CLSTN1: variants seen among roughly 807,000 people sequenced by gnomAD.
CLSTN1 encodes calsyntenin 1, also known as calsyntenin-1.
Under a neutral mutation model 108.3 loss-of-function variants are expected in CLSTN1, and 28 were observed. The observed-to-expected ratio is 0.26, with a 90% CI of 0.19 to 0.35. The LOEUF (loss-of-function observed/expected upper bound fraction) is 0.35, where lower values mean the gene tolerates loss of function less well. Among genes scored for constraint, CLSTN1 ranks in the 10% least tolerant of loss-of-function variants. CLSTN1 has a pLI of 1.00. For synonymous variants in CLSTN1, 524 were observed against 534.9 expected, an observed-to-expected ratio of 0.98 and a Z score of 0.28; for missense variants, 1,157 against 1,302.6, an observed-to-expected ratio of 0.89 and a Z score of 1.72.
intron 1 of CLSTN1, among the ~76,000 whole-genome samples, chr1:9,818,034 T>G (rs1570530695): frequency 1.4e-5 from 2 of 138,012 alleles, no homozygotes; most frequent in East Asian, 2.3e-4. Context: ...AGAGACAGAG[T>G]CTTGCTCTGT....
At chr1:9,742,742 T>C (rs1168765367) in intron 9 of CLSTN1, among the ~76,000 whole-genome samples, 2 of 152,188 alleles carry the variant, frequency 1.3e-5, no homozygotes, top group East Asian at 3.8e-4. Flanking sequence ...ACCCCATCTC[T>C]ACTAAAAATA....
At chr1:9,773,206 G>A in intron 2 of CLSTN1, 66 bp downstream of exon 2, 2 of 1,601,482 alleles carry the variant, frequency 1.2e-6, no homozygotes, top group East Asian at 2.2e-5. Flanking sequence ...TTACCCAAAT[G>A]GGATGTGCAG....
At chr1:9,782,835 C>T (rs552454366) in intron 1 of CLSTN1, among the ~76,000 whole-genome samples, 11 of 151,712 alleles carry the variant, frequency 7.3e-5, no homozygotes, top group African/African-American at 2.2e-4. Flanking sequence ...GGTAAAACCC[C>T]GCCTCTATTG....
chr1:9,810,552 A>T (rs1467574416), intron 1 of CLSTN1, among the ~76,000 whole-genome samples: 1 of 150,658 alleles, frequency 6.6e-6, no homozygotes, highest in East Asian at 2.0e-4. Context: ...CAGCAGATAG[A>T]TCACCTGTAG....
intron 2 of CLSTN1, among the ~76,000 whole-genome samples, chr1:9,764,462 C>T (rs1485311669): frequency 6.6e-6 from 1 of 151,920 alleles, no homozygotes; most frequent in Non-Finnish European, 1.5e-5. Flanking sequence ...CATGGTGAAA[C>T]CCTGTCTCTA....
At chr1:9,753,262 C>T (rs1378249571) in intron 4 of CLSTN1, among the ~76,000 whole-genome samples, 6 of 152,108 alleles carry the variant, frequency 3.9e-5, no homozygotes, top group African/African-American at 1.2e-4. Context: ...AGGTGGAGCT[C>T]GGGCAGAAAT....
At chr1:9,748,898 C>G (rs1651413224) in intron 7 of CLSTN1, among the ~76,000 whole-genome samples, 1 of 152,010 alleles carries the variant, frequency 6.6e-6, no homozygotes, top group African/African-American at 2.4e-5. Context: ...AGAAATACTT[C>G]CTTCAAATCA....
chr1:9,770,071 T>G (rs1652596723), intron 2 of CLSTN1, among the ~76,000 whole-genome samples: 1 of 150,348 alleles, frequency 6.7e-6, no homozygotes, highest in Non-Finnish European at 1.5e-5. Flanking sequence ...ATATGAATTA[T>G]CTCCAAAAAA....
chr1:9,745,114 T>C (rs1651188858), intron 7 of CLSTN1, among the ~76,000 whole-genome samples: 1 of 150,496 alleles, frequency 6.6e-6, no homozygotes, highest in South Asian at 2.1e-4. Flanking sequence ...ATAACAACCA[T>C]GGATTTGTTT....
At chr1:9,742,488 A>G (rs146596664) in intron 9 of CLSTN1, among the ~76,000 whole-genome samples, 2 of 152,334 alleles carry the variant, frequency 1.3e-5, no homozygotes, top group African/African-American at 4.8e-5. Context: ...AATTTTCCAT[A>G]ATACAGTTTT....
At chr1:9,739,444 C>T (rs960279226) in intron 10 of CLSTN1, among the ~76,000 whole-genome samples, 5 of 152,198 alleles carry the variant, frequency 3.3e-5, no homozygotes, top group African/African-American at 1.2e-4. Context: ...TTCAGTTTAA[C>T]TGATTACCCT....
chr1:9,737,640 A>G (rs1330369168), intron 10 of CLSTN1, 86 bp from the exon 11 acceptor site: 7 of 1,151,392 alleles, frequency 6.1e-6, no homozygotes, highest in Non-Finnish European at 9.1e-6. Context: ...GTTTGAAGCA[A>G]CCAACTATAA....
intron 2 of CLSTN1, among the ~76,000 whole-genome samples, chr1:9,764,514 G>A (rs1304577807): frequency 6.6e-6 from 1 of 152,058 alleles, no homozygotes; most frequent in African/African-American, 2.4e-5. Context: ...GCACAGGCCT[G>A]TAATCCCAGC....
At chr1:9,767,520 G>A (rs1304373195) in intron 2 of CLSTN1, among the ~76,000 whole-genome samples, 2 of 150,972 alleles carry the variant, frequency 1.3e-5, no homozygotes, top group Non-Finnish European at 2.9e-5. Context: ...ACTCCAGCCT[G>A]GGCAACAGAG....
intron 1 of CLSTN1, among the ~76,000 whole-genome samples, chr1:9,794,512 T>C (rs1442919201): frequency 2.6e-5 from 4 of 151,452 alleles, no homozygotes; most frequent in African/African-American, 9.6e-5. Context: ...TTTCGTCATG[T>C]TGGCCATGCT....
intron 10 of CLSTN1, among the ~76,000 whole-genome samples, chr1:9,738,077 T>A (rs1650786475): frequency 6.6e-6 from 1 of 152,198 alleles, no homozygotes; most frequent in Non-Finnish European, 1.5e-5. Context: ...CAAACAAGTT[T>A]ACATCTGTCT....
intron 1 of CLSTN1, among the ~76,000 whole-genome samples, chr1:9,814,311 C>T (rs1654887542): frequency 6.7e-6 from 1 of 149,358 alleles, no homozygotes; most frequent in Non-Finnish European, 1.5e-5. Flanking sequence ...ATTCAGGGGG[C>T]TGAAATGGGC....
At chr1:9,744,816 C>T (rs1438582165) in intron 7 of CLSTN1, among the ~76,000 whole-genome samples, 173 bp from the exon 8 acceptor site, 2 of 150,478 alleles carry the variant, frequency 1.3e-5, no homozygotes, top group African/African-American at 2.4e-5. Context: ...TACAGTGGCG[C>T]GATCTCGGTT....
At chr1:9,744,364 C>T (rs1372611867) in intron 8 of CLSTN1, 31 bp downstream of exon 8, 10 of 1,581,090 alleles carry the variant, frequency 6.3e-6, no homozygotes, top group African/African-American at 4.0e-5. Context: ...GACACTGGGG[C>T]CTGGCATCGC....
Sources: gnomAD v4.1 joint callset for allele counts (sites outside exome capture counted in the v4.1 genomes callset) on GRCh38, gnomAD v4.1.1 for gene constraint, MANE v1.5 for transcripts, NCBI Gene and HGNC (gene_info 2026-07-23, HGNC 2026-07-21) for gene names.